Variants in BCR observed in about 807,000 individuals in gnomAD.
BCR encodes the protein breakpoint cluster region protein.
A neutral mutation model predicts 138.6 loss-of-function variants in BCR; 58 were observed. The observed-to-expected ratio is 0.42, with a 90% confidence interval of 0.34 to 0.52. The LOEUF is 0.52. Among genes scored for constraint, BCR ranks in the 20% least tolerant of loss-of-function variants. The probability of loss-of-function intolerance (pLI) is 0.06; values close to 1 mark genes in which losing one functional copy is unlikely to be tolerated. For synonymous variants in BCR, 786 were observed against 730.1 expected (o/e 1.08, Z -1.23); for missense variants, 1,599 against 1,727.2 (o/e 0.93, Z 1.32).
chr22:23,286,739 C>T (rs1203344865), intron 10 of BCR, among the ~76,000 whole-genome samples: 1 of 152,158 alleles, frequency 6.6e-6, no homozygotes, highest in African/African-American at 2.4e-5. Flanking sequence ...CTGCTGGCAT[C>T]TCCACAAACA....
intron 2 of BCR, among the ~76,000 whole-genome samples, chr22:23,258,129 C>A (rs1014441044): frequency 2.0e-5 from 3 of 152,150 alleles, no homozygotes; most frequent in African/African-American, 7.2e-5. Flanking sequence ...GTCCCCCCCA[C>A]ACACATGTAC....
Position 23,215,025 on chromosome 22 carries a change from C to T in BCR, c.1279+32786C>T, listed in dbSNP as rs115028781. Among the ~76,000 whole-genome samples the T allele has an allele frequency of 3.7e-3, 556 of 152,280 alleles. 4 individuals are homozygous for T. Among genetic ancestry groups the T allele is most frequent in the African/African-American group, 0.013 (524 of 41,560 alleles). On this transcript the variant is annotated intron_variant, in intron 1 of 22. Transcript: ENST00000305877. Reference sequence around the variant, plus strand: ...CCCTCAGCCCCTGGCCACCACCATCCTACTCTATGTCTATGAATTTGACTA... The same window carrying T: ...CCCTCAGCCCCTGGCCACCACCATCTTACTCTATGTCTATGAATTTGACTA...
rs1053603264 is a variant in BCR at position 23,241,366 on chromosome 22, A to AGG, written c.1280-12430_1280-12429dup. ...CCAACCCTCTGTATTTCCTCTTTGG[A>AGG]GGGGCAGTGAGTGGGAAGGGAGGAC... is the stretch of plus-strand genomic sequence containing the variant. On this transcript the variant is annotated intron_variant, in intron 1 of 22. Coordinates refer to ENST00000305877, the MANE Select transcript of BCR (RefSeq NM_004327.4). 3.7e-4 allele frequency among the ~76,000 whole-genome samples: 56 copies of AGG among 152,034 alleles called. 1 individual carries two copies. Among genetic ancestry groups the AGG allele is most frequent in the African/African-American group, 1.2e-3 (50 of 41,470 alleles).
At chr22:23,282,157 G>A (rs541040379) in intron 8 of BCR, among the ~76,000 whole-genome samples, 8 of 152,374 alleles carry the variant, frequency 5.3e-5, no homozygotes, top group South Asian at 4.1e-4. Flanking sequence ...AGTCCTTCCC[G>A]AAGGACCTCA....
At chr22:23,212,924 T>C (rs2072703378) in intron 1 of BCR, among the ~76,000 whole-genome samples, 2 of 152,196 alleles carry the variant, frequency 1.3e-5, no homozygotes, top group African/African-American at 4.8e-5. Flanking sequence ...GCAGAAAACT[T>C]GGCAATGTGA....
At chr22:23,199,732 T>C (rs974667190) in intron 1 of BCR, among the ~76,000 whole-genome samples, 8 of 151,636 alleles carry the variant, frequency 5.3e-5, no homozygotes, top group African/African-American at 1.9e-4. Flanking sequence ...CCTTTCTCCC[T>C]GCTTTCAAGT....
At chr22:23,285,916 T>C (rs952499836) in intron 10 of BCR, among the ~76,000 whole-genome samples, 1 of 152,206 alleles carries the variant, frequency 6.6e-6, no homozygotes, top group Non-Finnish European at 1.5e-5. Flanking sequence ...GCAGCAGGAA[T>C]GCGGGAGCTC....
chr22:23,284,228 C>A, intron 9 of BCR, 130 bp downstream of exon 9: 1 of 1,342,976 alleles, frequency 7.4e-7, no homozygotes, highest in Non-Finnish European at 1.0e-6. Context: ...GGGCACAATG[C>A]CAGGCTCCAG....
At chr22:23,313,816 A>T in intron 20 of BCR, 152 bp from the exon 21 acceptor site, 1 of 787,076 alleles carries the variant, frequency 1.3e-6, no homozygotes, top group South Asian at 1.3e-5. Context: ...TGCCCCTCAC[A>T]GGGTCCTCAA....
At chr22:23,292,786 A>G in intron 15 of BCR, 148 bp downstream of exon 15, 2 of 618,918 alleles carry the variant, frequency 3.2e-6, no homozygotes, top group Middle Eastern at 4.3e-4. Flanking sequence ...GGGGGCCAGT[A>G]GGTGACGTGT....
chr22:23,297,834 A>G (rs2073863258), intron 16 of BCR, among the ~76,000 whole-genome samples: 2 of 152,106 alleles, frequency 1.3e-5, no homozygotes, highest in African/African-American at 4.8e-5. Context: ...AAAGAGAGAA[A>G]AGAGCTGATA....
chr22:23,202,343 A>G (rs1038565729), intron 1 of BCR, among the ~76,000 whole-genome samples: 7 of 152,186 alleles, frequency 4.6e-5, no homozygotes, highest in Admixed American at 3.3e-4. Context: ...CATTTTAACC[A>G]CTAAAAATTA....
chr22:23,284,826 C>T (rs1350036983), intron 9 of BCR, among the ~76,000 whole-genome samples: 1 of 152,310 alleles, frequency 6.6e-6, no homozygotes, highest in African/African-American at 2.4e-5. Flanking sequence ...CTGGGGCCTG[C>T]GGTCACATGT....
chr22:23,188,343 G>T (rs1017080907), intron 1 of BCR, among the ~76,000 whole-genome samples: 2 of 152,238 alleles, frequency 1.3e-5, no homozygotes, highest in Admixed American at 1.3e-4. Flanking sequence ...ATTTGACTGG[G>T]TTCAGGGGAG....
At chr22:23,264,142 A>T in intron 4 of BCR, 1 of 1,516,080 alleles carries the variant, frequency 6.6e-7, no homozygotes, top group Non-Finnish European at 9.1e-7. Context: ...AGCACCCTGT[A>T]CTGCCTGCAG....
chr22:23,218,124 C>G (rs142809186), intron 1 of BCR, among the ~76,000 whole-genome samples: 2 of 152,214 alleles, frequency 1.3e-5, no homozygotes, highest in African/African-American at 4.8e-5. Flanking sequence ...TCTGGACCCC[C>G]TTGTCATCAC....
At position 23,295,174 on chromosome 22, in the gene BCR, C is replaced by A. The variant is rs1425130470; in HGVS notation, c.3012+19C>A. The A allele has an allele frequency of 1.2e-6, 2 of 1,612,810 alleles. No homozygotes were observed. The highest frequency in any genetic ancestry group is 1.7e-6 in the Non-Finnish European group (2 of 1,179,226). On this transcript the variant is annotated intron_variant, in intron 16 of 22. Coordinates refer to ENST00000305877, the MANE Select transcript of BCR (RefSeq NM_004327.4). The stretch of plus-strand genomic sequence containing the variant: ...GGTCCAGGTGAGGCAGCCATCCCTA[C>A]CCTCCCCTGCCCGATGCATGGCGTC...
At position 23,273,657 on chromosome 22, in the gene BCR, C is replaced by T. The variant is rs540285872; in HGVS notation, c.1998C>T (p.Ala666=). Residue 666 remains alanine (A), a synonymous_variant, in exon 8 of 23, where the codon GCC becomes GCT. Transcript: ENST00000305877. Reference sequence around the variant, plus strand: ...AGGACTTGCTGAAGCACACTCCTGCCAGCCACCCTGACCACCCCTTGCTGC... The same window carrying T: ...AGGACTTGCTGAAGCACACTCCTGCTAGCCACCCTGACCACCCCTTGCTGC... ...VLHDLLKHTP[A]SHPDHPLLQD... is the part of the protein sequence containing the mutation. The T allele has an allele frequency of 6.2e-7, 1 of 1,613,876 alleles. No individual in the cohort carries two copies. Among genetic ancestry groups the T allele is most frequent in the South Asian group, 1.1e-5 (1 of 91,096 alleles).
intron 8 of BCR, among the ~76,000 whole-genome samples, chr22:23,278,135 A>C (rs151102422): frequency 1.6e-4 from 24 of 152,230 alleles, no homozygotes; most frequent in East Asian, 1.2e-3. Context: ...CTCTCTGTCT[A>C]CTCGGAGCCT....
Sources: gnomAD v4.1 joint callset for allele counts (sites outside exome capture counted in the v4.1 genomes callset) on GRCh38, gnomAD v4.1.1 for gene constraint, MANE v1.5 for transcripts, NCBI Gene and HGNC (gene_info 2026-07-23, HGNC 2026-07-21) for gene names.